The following SPAG1 variants were observed in gnomAD, a reference collection of about 807,000 sequenced individuals.
SPAG1 encodes sperm-associated antigen 1.
A neutral mutation model predicts 100.5 loss-of-function variants in SPAG1; 69 were observed. The ratio of observed to expected loss-of-function variants is 0.69; its 90% confidence interval spans 0.57 to 0.84. The LOEUF (loss-of-function observed/expected upper bound fraction) is 0.84. Ranked by LOEUF, SPAG1 falls within the 40% of genes least tolerant of loss-of-function variation. The pLI, the probability that SPAG1 is intolerant of heterozygous loss-of-function variation, is 0.00. For missense variants in SPAG1, 955 were observed against 1,133.1 expected (o/e 0.84, Z 2.26); for synonymous variants, 336 against 411.6 (o/e 0.82, Z 2.22).
intron 3 of SPAG1, among the ~76,000 whole-genome samples, chr8:100,174,688 GT>G (rs1222612380): frequency 3.3e-5 from 5 of 152,308 alleles, no homozygotes; most frequent in African/African-American, 1.2e-4. Flanking sequence ...ATTGTCTAAT[GT>G]TAGTTTATTT....
chr8:100,202,822 T>C (rs970167797), intron 10 of SPAG1, among the ~76,000 whole-genome samples: 3 of 145,160 alleles, frequency 2.1e-5, no homozygotes, highest in Non-Finnish European at 4.5e-5. Context: ...CTTATGCCAA[T>C]ACCACACTGT....
intron 15 of SPAG1, among the ~76,000 whole-genome samples, chr8:100,231,698 G>A (rs1283340716): frequency 7.2e-5 from 11 of 152,158 alleles, no homozygotes; most frequent in Admixed American, 5.2e-4. Context: ...GGTGGCTCAC[G>A]CCCATAATCC....
chr8:100,192,244 C>T (rs980760553), intron 9 of SPAG1, among the ~76,000 whole-genome samples: 1 of 152,186 alleles, frequency 6.6e-6, no homozygotes, highest in Non-Finnish European at 1.5e-5. Flanking sequence ...GCAGGCAAAT[C>T]ACCTGAGGTC....
intron 3 of SPAG1, among the ~76,000 whole-genome samples, chr8:100,175,073 A>G (rs1439052440): frequency 6.6e-6 from 1 of 150,882 alleles, no homozygotes; most frequent in Non-Finnish European, 1.5e-5. Flanking sequence ...ACAGCCTATA[A>G]CTCTTGGGCT....
intron 10 of SPAG1, among the ~76,000 whole-genome samples, chr8:100,201,684 C>T (rs1480444349): frequency 6.6e-6 from 1 of 152,110 alleles, no homozygotes; most frequent in Non-Finnish European, 1.5e-5. Flanking sequence ...CTCCTTTCAC[C>T]TTCCCCAAGG....
intron 1 of SPAG1, chr8:100,158,848 T>C (rs1456174380): frequency 6.6e-6 from 1 of 151,940 alleles, no homozygotes; most frequent in East Asian, 1.9e-4. Context: ...TCCTTTTTTT[T>C]CAAAAAGGAT....
At chr8:100,194,061 T>C (rs1230468907) in intron 9 of SPAG1, 51 bp from the exon 10 acceptor site, 3 of 1,219,122 alleles carry the variant, frequency 2.5e-6, no homozygotes, top group Admixed American at 2.6e-5. Context: ...AGAATGGTTA[T>C]ATTTATTATT....
At position 100,165,881 on chromosome 8, in the gene SPAG1, C is replaced by G. The variant is rs1468747674; in HGVS notation, c.208C>G (p.Pro70Ala). 4 of 1,613,964 alleles carry G rather than the reference C, an allele frequency of 2.5e-6. No homozygotes were observed. The Admixed American group carries it at 5.0e-5, about 20-fold the overall frequency. The change falls in exon 3 of 19, where the codon CCT becomes GCT. Residue 70 changes from proline to alanine, a missense_variant. Physicochemically the swap from Pro to Ala is conservative, Grantham distance 27 (BLOSUM62 -1). Transcript: ENST00000388798. ...FCEKHLQALA[P>A]ESRALRKDKP... ...TGAAAAGCATCTTCAAGCCTTGGCCCCTGAAAGCAGAGCTTTGAGGAAAGA... is the reference window on the plus strand; with the variant it reads ...TGAAAAGCATCTTCAAGCCTTGGCCGCTGAAAGCAGAGCTTTGAGGAAAGA...
rs764156834 is a variant in SPAG1 at position 100,177,904 on chromosome 8, C to T, written c.389C>T (p.Pro130Leu). 1 of 1,611,800 alleles carries T rather than the reference C, an allele frequency of 6.2e-7. No homozygotes were observed. The highest frequency in any genetic ancestry group is 8.5e-7 in the Non-Finnish European group (1 of 1,178,062). Residue 130 changes from proline to leucine, a missense_variant, in exon 4 of 19, where the codon CCA (proline) becomes CTA (leucine). Coordinates refer to ENST00000388798, the MANE Select transcript of SPAG1 (RefSeq NM_003114.5). Reference sequence around the variant, plus strand: ...CCAGCAATGAAAGATAATTTGCCTCCAGTTCGTGGTTCAAACAGCTGTCTT... The same window carrying T: ...CCAGCAATGAAAGATAATTTGCCTCTAGTTCGTGGTTCAAACAGCTGTCTT... ...TFPAMKDNLP[P>L]VRGSNSCLHV...
intron 10 of SPAG1, among the ~76,000 whole-genome samples, chr8:100,206,035 A>G (rs1417324698): frequency 6.8e-4 from 38 of 56,180 alleles, no homozygotes; most frequent in East Asian, 1.5e-3. Flanking sequence ...AAAAAAAAAA[A>G]AAAAAAAAAA....
chr8:100,168,020 A>G (rs2132349), intron 3 of SPAG1, among the ~76,000 whole-genome samples: 95,006 of 152,074 alleles, frequency 0.62, 30,029 homozygotes, highest in African/African-American at 0.71. Context: ...AAGTAGTATG[A>G]AATTGTATGA....
At chr8:100,208,110 G>A (rs150899939) in intron 10 of SPAG1, among the ~76,000 whole-genome samples, 58 of 152,238 alleles carry the variant, frequency 3.8e-4, no homozygotes, top group Non-Finnish European at 2.6e-4. Context: ...GTGACATTAC[G>A]TTCTGCTGGC....
intron 11 of SPAG1, 45 bp from the exon 12 acceptor site, chr8:100,213,774 C>A (rs1817846240): frequency 8.1e-7 from 1 of 1,229,172 alleles, no homozygotes; most frequent in South Asian, 1.3e-5. Flanking sequence ...GAACTGTGAT[C>A]TTGCTAATGG....
chr8:100,210,107 C>T (rs1817660407), intron 10 of SPAG1, among the ~76,000 whole-genome samples: 1 of 151,326 alleles, frequency 6.6e-6, no homozygotes, highest in Non-Finnish European at 1.5e-5. Flanking sequence ...TTACTTTTAT[C>T]TTTGAATATG....
At chr8:100,184,135 A>G (rs1344937152) in intron 6 of SPAG1, 73 bp downstream of exon 6, 1 of 667,710 alleles carries the variant, frequency 1.5e-6, no homozygotes, top group Non-Finnish European at 2.4e-6. Flanking sequence ...TCAATCTAGA[A>G]GACATTGTCT....
At chr8:100,199,781 T>A (rs1165178679) in intron 10 of SPAG1, among the ~76,000 whole-genome samples, 4 of 152,148 alleles carry the variant, frequency 2.6e-5, no homozygotes, top group Non-Finnish European at 5.9e-5. Context: ...ATTTATCTTT[T>A]TACTGTTGAG....
rs765598711 is a variant in SPAG1, at chr8:100,241,586, G to A, written c.*564G>A. 1.3e-5 allele frequency: 2 copies of A among 151,772 alleles called. No individual in the cohort carries two copies. The highest frequency in any genetic ancestry group is 1.5e-5 in the Non-Finnish European group (1 of 67,942). 9.4% of individuals were successfully genotyped at this position (151,772 alleles called of 1,614,324 possible). A position where few individuals can be genotyped will look rare whatever the true frequency, so the allele number is the denominator to read the frequency against. ...AAGAGGAACTTATTTTTTCTAATAC[G>A]GAAGCATTGCCTAATAATTAAGAAC... On this transcript the variant is annotated 3_prime_UTR_variant, in exon 19 of 19. Transcript: ENST00000388798. The surrounding 1 kb of genome is among the most constrained non-coding windows in gnomAD (Gnocchi z 5.1).
intron 4 of SPAG1, among the ~76,000 whole-genome samples, chr8:100,179,193 G>A (rs1816260806): frequency 6.6e-6 from 1 of 152,034 alleles, no homozygotes; most frequent in Non-Finnish European, 1.5e-5. Context: ...GACCAGCCGG[G>A]CCAACATGGT....
intron 2 of SPAG1, chr8:100,165,202 A>G (rs747269498): frequency 3.8e-5 from 19 of 493,976 alleles, no homozygotes; most frequent in South Asian, 7.7e-5. Flanking sequence ...AGGTAATTGT[A>G]TGTTCCAAGC....
Sources: gnomAD v4.1 joint callset for allele counts (sites outside exome capture counted in the v4.1 genomes callset) on GRCh38, gnomAD v4.1.1 for gene constraint, Gnocchi (gnomAD v3.1) non-coding constraint, MANE v1.5 for transcripts, NCBI Gene and HGNC (gene_info 2026-07-23, HGNC 2026-07-21) for gene names.